ERCC6: variants seen among roughly 807,000 people sequenced by gnomAD.
The protein encoded by ERCC6 is ERCC excision repair 6, chromatin remodeling factor, also known as DNA excision repair protein ERCC-6.
Under a neutral mutation model 158.7 loss-of-function variants are expected in ERCC6, and 116 were observed. The observed-to-expected ratio is 0.73, with a 90% CI of 0.63 to 0.85. The LOEUF (loss-of-function observed/expected upper bound fraction) is 0.85, where lower values mean the gene tolerates loss of function less well. Among genes scored for constraint, ERCC6 ranks in the 40% least tolerant of loss-of-function variants. The pLI, the probability that ERCC6 is intolerant of heterozygous loss-of-function variation, is 0.00. For missense variants in ERCC6, 1,698 were observed against 1,799.4 expected (o/e 0.94, Z 1.02); for synonymous variants, 678 against 659.3 (o/e 1.03, Z -0.43).
intron 5 of ERCC6, among the ~76,000 whole-genome samples, chr10:49,518,413 G>C (rs1386844183): frequency 6.6e-6 from 1 of 152,226 alleles, no homozygotes; most frequent in East Asian, 1.9e-4. Context: ...TTGAGCAAAT[G>C]ACTTCATCTC....
At chr10:49,496,573 C>T (rs1407846962) in intron 7 of ERCC6, among the ~76,000 whole-genome samples, 4 of 151,996 alleles carry the variant, frequency 2.6e-5, no homozygotes, top group South Asian at 4.1e-4. Context: ...TTTGGGAGGC[C>T]GAGGCGGGTG....
intron 1 of ERCC6, among the ~76,000 whole-genome samples, chr10:49,537,215 G>A (rs1335482921): frequency 6.6e-6 from 1 of 151,868 alleles, no homozygotes; most frequent in African/African-American, 2.4e-5. Flanking sequence ...ATGGAGGCGC[G>A]CGCCTGTAAT....
In ERCC6 at chr10:49,474,841, TG is replaced by T. The variant is rs1367504999; in HGVS notation, c.2383-600del. Among the ~76,000 whole-genome samples, 3 of 151,832 alleles carry T rather than the reference TG, an allele frequency of 2.0e-5. No individual in the cohort carries two copies. The South Asian group carries it at 6.2e-4, about 32-fold the overall frequency. ...AAGGGCACAGAAGACAAGGGGTGAG[TG>T]CCCCGGCCCATCCCCACAAAAGAAC... On this transcript the variant is annotated intron_variant, in intron 12 of 20. Coordinates refer to ENST00000355832, the MANE Select transcript of ERCC6 (RefSeq NM_000124.4).
At chr10:49,446,812 A>G in the ERCC6 span, among the ~76,000 whole-genome samples, 1 of 152,216 alleles carries the variant, frequency 6.6e-6, no homozygotes. Flanking sequence ...ACTATGTCTC[A>G]AAAAATAATA....
Position 49,478,336 on chromosome 10 carries a change from A to G in ERCC6, c.2286+18T>C. The G allele has an allele frequency of 6.7e-7, 1 of 1,484,576 alleles. No individual in the cohort carries two copies. Among genetic ancestry groups the G allele is most frequent in the Non-Finnish European group, 9.4e-7 (1 of 1,062,042 alleles). 92.0% of individuals were successfully genotyped at this position (1,484,576 alleles called of 1,614,324 possible). On this transcript the variant is annotated intron_variant, in intron 11 of 20. Coordinates refer to ENST00000355832, the MANE Select transcript of ERCC6 (RefSeq NM_000124.4). ...CTTGTGCTTTAGGAATGCTTCGTTA[A>G]CTCCTGGATTTACAGACCTGTTCAT...
At chr10:49,516,401 A>G in intron 5 of ERCC6, 1 of 1,614,186 alleles carries the variant, frequency 6.2e-7, no homozygotes, top group Non-Finnish European at 8.5e-7. Flanking sequence ...TGTCCACTGG[A>G]TCCAAATTTG....
intron 5 of ERCC6, chr10:49,517,190 A>G: frequency 1.3e-6 from 2 of 1,506,606 alleles, no homozygotes; most frequent in Non-Finnish European, 1.8e-6. Flanking sequence ...AAAATGGAAC[A>G]TGAAAAATGT....
At chr10:49,525,985 G>A (rs1212483119) in intron 4 of ERCC6, among the ~76,000 whole-genome samples, 17 of 151,560 alleles carry the variant, frequency 1.1e-4, no homozygotes, top group Admixed American at 1.1e-3. Flanking sequence ...GCTGTAGTTT[G>A]TTAACTCTCA....
chr10:49,447,182 A>G, the ERCC6 span, among the ~76,000 whole-genome samples: 2 of 152,270 alleles, frequency 1.3e-5, no homozygotes, highest in Non-Finnish European at 1.5e-5. Flanking sequence ...GATGATATCC[A>G]CAAAGGAACA....
the ERCC6 span, among the ~76,000 whole-genome samples, chr10:49,438,152 A>T: frequency 6.6e-6 from 1 of 152,198 alleles, no homozygotes; most frequent in African/African-American, 2.4e-5. Flanking sequence ...AGGGACAGCG[A>T]TGGCCAGGAA....
At chr10:49,460,596 C>T (rs1564725468) in intron 19 of ERCC6, 145 bp from the exon 20 acceptor site, 3 of 692,894 alleles carry the variant, frequency 4.3e-6, no homozygotes, top group Non-Finnish European at 7.7e-6. Flanking sequence ...TCTGCTCTAT[C>T]CCCCTCGATT....
intron 20 of ERCC6, among the ~76,000 whole-genome samples, chr10:49,459,817 T>G (rs1409295636): frequency 6.6e-6 from 1 of 152,168 alleles, no homozygotes; most frequent in East Asian, 1.9e-4. Context: ...TTCCTAAACA[T>G]GTTCACATTA....
chr10:49,447,504 G>A, the ERCC6 span, among the ~76,000 whole-genome samples: 1 of 152,154 alleles, frequency 6.6e-6, no homozygotes, highest in East Asian at 1.9e-4. Context: ...TGGTTAATAT[G>A]GTGAAACCCC....
intron 10 of ERCC6, 22 bp downstream of exon 10, chr10:49,482,665 T>C (rs760574167): frequency 1.2e-6 from 2 of 1,610,034 alleles, no homozygotes; most frequent in Admixed American, 3.3e-5. Flanking sequence ...ATGCCAAAAG[T>C]ATTATCATCC....
chr10:49,491,436 G>A (rs1461227189), intron 8 of ERCC6, among the ~76,000 whole-genome samples: 2 of 152,162 alleles, frequency 1.3e-5, no homozygotes. Context: ...CTTCAAGTTA[G>A]AGTCCTTGGT....
chr10:49,473,972 T>A (rs763337935), intron 13 of ERCC6, 55 bp downstream of exon 13: 82 of 1,480,726 alleles, frequency 5.5e-5, no homozygotes, highest in Non-Finnish European at 7.5e-5. Context: ...ATTTTGTGAG[T>A]TGATGGCTGT....
At chr10:49,476,840 C>A in intron 11 of ERCC6, among the ~76,000 whole-genome samples, 1 of 152,126 alleles carries the variant, frequency 6.6e-6, no homozygotes, top group East Asian at 1.9e-4. Flanking sequence ...CTCCCTCCTT[C>A]GCAAAGTCCA....
the ERCC6 span, among the ~76,000 whole-genome samples, chr10:49,439,560 T>A: frequency 1.3e-5 from 2 of 152,200 alleles, no homozygotes; most frequent in African/African-American, 4.8e-5. Flanking sequence ...CTGGAGACAT[T>A]TTCCCCCATC....
chr10:49,515,153 C>G (rs566799495), intron 5 of ERCC6: 12 of 1,298,756 alleles, frequency 9.2e-6, no homozygotes, highest in Non-Finnish European at 1.2e-5. Flanking sequence ...TGAATTTTTG[C>G]ATGAAATTCA....
Sources: gnomAD v4.1 joint callset for allele counts (sites outside exome capture counted in the v4.1 genomes callset) on GRCh38, gnomAD v4.1.1 for gene constraint, MANE v1.5 for transcripts, NCBI Gene and HGNC (gene_info 2026-07-23, HGNC 2026-07-21) for gene names.